ZNF536: variants seen among roughly 807,000 people sequenced by gnomAD.
The protein encoded by ZNF536 is zinc finger protein 536.
ZNF536 carries 13 observed loss-of-function variants against 84.5 expected under a neutral mutation model. The observed-to-expected ratio is 0.15, with a 90% CI of 0.10 to 0.24. ZNF536 has a LOEUF of 0.24. Among genes scored for constraint, ZNF536 ranks in the 10% least tolerant of loss-of-function variants. The pLI, the probability that ZNF536 is intolerant of heterozygous loss-of-function variation, is 1.00. For synonymous variants in ZNF536, 811 were observed against 742.5 expected, an observed-to-expected ratio of 1.09 and a Z score of -1.50; for missense variants, 1,536 against 1,747.5, an observed-to-expected ratio of 0.88 and a Z score of 2.16.
chr19:30,421,826 G>A (rs1182146458), intron 1 of ZNF536, among the ~76,000 whole-genome samples: 1 of 152,326 alleles, frequency 6.6e-6, no homozygotes, highest in Non-Finnish European at 1.5e-5. Flanking sequence ...CTCTGTACAC[G>A]AGAGCAGGCC....
chr19:30,670,586 G>A (rs1480835353), intron 1 of ZNF536, among the ~76,000 whole-genome samples: 2 of 152,210 alleles, frequency 1.3e-5, no homozygotes, highest in Non-Finnish European at 1.5e-5. Context: ...GACGGGTCTC[G>A]GGGAATGAAC....
intron 1 of ZNF536, among the ~76,000 whole-genome samples, chr19:30,442,142 T>C (rs770813785): frequency 7.9e-5 from 12 of 152,182 alleles, no homozygotes; most frequent in Non-Finnish European, 1.5e-4. Flanking sequence ...GGAAACAAAT[T>C]TGGACTCCTT....
chr19:30,650,868 G>A (rs2049675946), intron 1 of ZNF536, among the ~76,000 whole-genome samples: 1 of 152,202 alleles, frequency 6.6e-6, no homozygotes, highest in Admixed American at 6.5e-5. Context: ...CTGGGACGTT[G>A]GAGCATACTG....
At chr19:30,333,165 ATAAG>A (rs35523629) in intron 2 of ZNF536, among the ~76,000 whole-genome samples, 3 of 151,524 alleles carry the variant, frequency 2.0e-5, no homozygotes, top group East Asian at 2.0e-4. Flanking sequence ...AAATAAATTA[ATAAG>A]TAAGTAAGTA....
chr19:30,531,943 C>T (rs2044841962), intron 2 of ZNF536, among the ~76,000 whole-genome samples: 1 of 151,902 alleles, frequency 6.6e-6, no homozygotes. Flanking sequence ...CTATTGTCCC[C>T]ACCTCTGTGT....
intron 2 of ZNF536, among the ~76,000 whole-genome samples, chr19:30,488,162 G>T (rs1308227530): frequency 6.6e-6 from 1 of 152,176 alleles, no homozygotes; most frequent in Admixed American, 6.5e-5. Context: ...CCCAGTGTGG[G>T]ATGACTATCC....
chr19:30,420,967 C>CACCTTCACTTACACGCTGAGGTTG (rs1278004432), intron 1 of ZNF536, among the ~76,000 whole-genome samples: 1 of 152,192 alleles, frequency 6.6e-6, no homozygotes, highest in Non-Finnish European at 1.5e-5. Flanking sequence ...TTTCACCGTT[C>CACCTTCACTTACACGCTGAGGTTG]ACCTTCACTT....
chr19:30,600,675 C>T (rs1297897715), intron 1 of ZNF536, among the ~76,000 whole-genome samples: 2 of 152,162 alleles, frequency 1.3e-5, no homozygotes, highest in Non-Finnish European at 2.9e-5. Flanking sequence ...TGGCCAGCAC[C>T]CCTGGTGAGC....
At chr19:30,370,776 A>G (rs3810304), upstream of ZNF536, among the ~76,000 whole-genome samples, 121,683 of 152,210 alleles carry the variant, frequency 0.8, 48,906 homozygotes, top group African/African-American at 0.86. Flanking sequence ...GGTACGGGGG[A>G]TATTAATGCC....
chr19:30,458,837 T>C (rs2052997295), intron 2 of ZNF536, among the ~76,000 whole-genome samples: 1 of 152,174 alleles, frequency 6.6e-6, no homozygotes, highest in African/African-American at 2.4e-5. Flanking sequence ...GGAGACTCTC[T>C]TCTATCTCAT....
chr19:30,422,653 C>T (rs1394906768), intron 1 of ZNF536, among the ~76,000 whole-genome samples: 4 of 152,134 alleles, frequency 2.6e-5, no homozygotes, highest in African/African-American at 9.7e-5. Context: ...GCATCATTTG[C>T]CCATTCCATC....
intron 1 of ZNF536, among the ~76,000 whole-genome samples, chr19:30,405,586 A>G (rs886779413): frequency 6.6e-6 from 1 of 152,042 alleles, no homozygotes; most frequent in Non-Finnish European, 1.5e-5. Context: ...GTACCAAACC[A>G]TTTAAGACTG....
At chr19:30,354,467 A>G (rs1194312744) in intron 3 of ZNF536, among the ~76,000 whole-genome samples, 1 of 152,184 alleles carries the variant, frequency 6.6e-6, no homozygotes, top group Non-Finnish European at 1.5e-5. Context: ...TCCTGGGCTC[A>G]AGCAATCCTC....
chr19:30,325,490 T>G (rs1012131256), intron 2 of ZNF536, among the ~76,000 whole-genome samples: 1 of 152,070 alleles, frequency 6.6e-6, no homozygotes, highest in African/African-American at 2.4e-5. Context: ...GTTTTGTCAG[T>G]GTCTGGGGGC....
At chr19:30,520,561 G>C (rs922457771) in intron 2 of ZNF536, among the ~76,000 whole-genome samples, 3 of 151,954 alleles carry the variant, frequency 2.0e-5, no homozygotes, top group Non-Finnish European at 2.9e-5. Flanking sequence ...CTAATTTCTG[G>C]GTTAGACAAT....
intron 1 of ZNF536, among the ~76,000 whole-genome samples, chr19:30,438,445 T>C (rs1295903483): frequency 6.6e-6 from 1 of 152,192 alleles, no homozygotes; most frequent in Admixed American, 6.5e-5. Flanking sequence ...CTCCAGCTCC[T>C]GGGTCACGCA....
At chr19:30,642,234 G>C (rs1469472153) in intron 1 of ZNF536, among the ~76,000 whole-genome samples, 1 of 152,150 alleles carries the variant, frequency 6.6e-6, no homozygotes, top group Non-Finnish European at 1.5e-5. Flanking sequence ...GTAATCTTCA[G>C]CTCCTTAATT....
chr19:30,639,129 G>T, intron 1 of ZNF536, among the ~76,000 whole-genome samples: 1 of 152,058 alleles, frequency 6.6e-6, no homozygotes. Context: ...GTATTTCCTG[G>T]TGTTCCTGGT....
intron 1 of ZNF536, among the ~76,000 whole-genome samples, chr19:30,418,301 A>G (rs1000388969): frequency 2.0e-5 from 3 of 152,136 alleles, no homozygotes; most frequent in African/African-American, 7.2e-5. Flanking sequence ...CTCACTGTAT[A>G]GTTTCTTCTC....
Sources: gnomAD v4.1 joint callset for allele counts (sites outside exome capture counted in the v4.1 genomes callset) on GRCh38, gnomAD v4.1.1 for gene constraint, MANE v1.5 for transcripts, NCBI Gene and HGNC (gene_info 2026-07-23, HGNC 2026-07-21) for gene names.